The following AUTS2 variants were observed in gnomAD, a reference collection of about 807,000 sequenced individuals.
AUTS2 encodes the protein autism susceptibility gene 2 protein.
Under a neutral mutation model 112.4 loss-of-function variants are expected in AUTS2, and 17 were observed. The observed-to-expected ratio is 0.15, with a 90% CI of 0.10 to 0.23. The LOEUF is 0.23. Among genes scored for constraint, AUTS2 ranks in the 10% least tolerant of loss-of-function variants. The pLI is 1.00. For synonymous variants in AUTS2, 751 were observed against 702.7 expected, an observed-to-expected ratio of 1.07 and a Z score of -1.09; for missense variants, 1,510 against 1,701.6, an observed-to-expected ratio of 0.89 and a Z score of 1.98.
At chr7:70,678,584 T>C (rs1018055157) in intron 5 of AUTS2, among the ~76,000 whole-genome samples, 4 of 152,364 alleles carry the variant, frequency 2.6e-5, no homozygotes, top group African/African-American at 9.6e-5. Flanking sequence ...AGGTACAGTA[T>C]GTTTTCCATT....
rs994912418 is a variant in AUTS2, at chr7:70,101,556, A to G, written c.523-16576A>G. Among the ~76,000 whole-genome samples, 6 of 152,194 alleles carry G rather than the reference A, an allele frequency of 3.9e-5. No homozygotes were observed. In the East Asian group the frequency reaches 1.2e-3, roughly 29 times the overall value. On this transcript the variant is annotated intron_variant, in intron 2 of 18. Transcript: ENST00000342771. Reference sequence around the variant, plus strand: ...CTAAAAATACAAAAATTAGCCGGGCATGGTGGTGCATGCTTGTAATCCCAG... The same window carrying G: ...CTAAAAATACAAAAATTAGCCGGGCGTGGTGGTGCATGCTTGTAATCCCAG...
chr7:69,932,045 G>A (rs1796246740), intron 2 of AUTS2, among the ~76,000 whole-genome samples: 1 of 152,162 alleles, frequency 6.6e-6, no homozygotes, highest in African/African-American at 2.4e-5. Context: ...GAGTCTGGAG[G>A]TCTGGACAGT....
intron 4 of AUTS2, among the ~76,000 whole-genome samples, chr7:70,231,817 AGGCT>A (rs1434402843): frequency 4.0e-5 from 6 of 150,756 alleles, no homozygotes; most frequent in Non-Finnish European, 3.0e-5. Context: ...CTCTGTAGCC[AGGCT>A]GGAGTGCAGT....
At chr7:70,713,400 G>C (rs1810171125) in intron 6 of AUTS2, among the ~76,000 whole-genome samples, 2 of 152,196 alleles carry the variant, frequency 1.3e-5, no homozygotes, top group African/African-American at 4.8e-5. Context: ...TTGAATATTA[G>C]AGTTTTAAGG....
intron 5 of AUTS2, among the ~76,000 whole-genome samples, chr7:70,592,950 A>T (rs945961680): frequency 1.3e-5 from 2 of 151,928 alleles, no homozygotes; most frequent in African/African-American, 4.8e-5. Flanking sequence ...TCTGGGCCCA[A>T]GTGATCCTCT....
chr7:70,110,654 T>G (rs1805025857), intron 2 of AUTS2, among the ~76,000 whole-genome samples: 1 of 152,160 alleles, frequency 6.6e-6, no homozygotes, highest in Admixed American at 6.5e-5. Context: ...TTTTCTAAGC[T>G]AATAGCACAA....
At chr7:70,602,593 T>G (rs1314629168) in intron 5 of AUTS2, among the ~76,000 whole-genome samples, 4 of 152,172 alleles carry the variant, frequency 2.6e-5, no homozygotes, top group African/African-American at 4.8e-5. Context: ...TGAAGAAAAG[T>G]GTTTCAAAAG....
chr7:70,196,975 G>A (rs948712864), intron 4 of AUTS2, among the ~76,000 whole-genome samples: 1 of 152,160 alleles, frequency 6.6e-6, no homozygotes, highest in Non-Finnish European at 1.5e-5. Flanking sequence ...TAAATATGAA[G>A]AAGAAAGAGA....
chr7:69,868,211 A>G (rs777438389), intron 1 of AUTS2, among the ~76,000 whole-genome samples: 2 of 152,146 alleles, frequency 1.3e-5, no homozygotes, highest in African/African-American at 4.8e-5. Flanking sequence ...TCTGTTGGCT[A>G]TTGGAATCAG....
At chr7:70,487,679 AGT>A (rs1400537313) in intron 5 of AUTS2, among the ~76,000 whole-genome samples, 3 of 152,206 alleles carry the variant, frequency 2.0e-5, no homozygotes, top group Non-Finnish European at 2.9e-5. Flanking sequence ...GTGTTTGCAC[AGT>A]GGGCTCTACA....
intron 2 of AUTS2, among the ~76,000 whole-genome samples, chr7:70,008,689 A>G (rs1231985575): frequency 4.6e-5 from 7 of 152,212 alleles, no homozygotes; most frequent in Admixed American, 4.6e-4. Flanking sequence ...AGGAAAATTA[A>G]AGGAAGTAAA....
chr7:70,351,928 C>T (rs1246614291), intron 4 of AUTS2, among the ~76,000 whole-genome samples: 1 of 152,126 alleles, frequency 6.6e-6, no homozygotes, highest in African/African-American at 2.4e-5. Flanking sequence ...GTCTCGAACT[C>T]CTGACCTCAG....
chr7:70,038,083 G>T (rs1801088199), intron 2 of AUTS2, among the ~76,000 whole-genome samples: 2 of 151,456 alleles, frequency 1.3e-5, no homozygotes, highest in Non-Finnish European at 2.9e-5. Flanking sequence ...CTGACCAATG[G>T]CATTGACAGA....
intron 1 of AUTS2, among the ~76,000 whole-genome samples, chr7:69,738,603 G>C (rs1787135476): frequency 6.6e-6 from 1 of 152,126 alleles, no homozygotes; most frequent in South Asian, 2.1e-4. Context: ...GGCCTTGCAA[G>C]TAGCAGTTTG....
At chr7:70,228,090 G>A (rs970565364) in intron 4 of AUTS2, among the ~76,000 whole-genome samples, 2 of 149,892 alleles carry the variant, frequency 1.3e-5, no homozygotes, top group African/African-American at 4.9e-5. Context: ...TCTGTTTCGG[G>A]GTTTGTAGTT....
intron 1 of AUTS2, among the ~76,000 whole-genome samples, chr7:69,750,471 G>A (rs1235559031): frequency 1.4e-5 from 2 of 146,248 alleles, no homozygotes; most frequent in Non-Finnish European, 3.0e-5. Flanking sequence ...CAAATACTAT[G>A]TTAGTAGTAG....
At chr7:69,694,208 A>G (rs1262348433) in intron 1 of AUTS2, among the ~76,000 whole-genome samples, 1 of 152,200 alleles carries the variant, frequency 6.6e-6, no homozygotes, top group African/African-American at 2.4e-5. Flanking sequence ...AAATTTGAGT[A>G]TTCATTAAAA....
rs144807735 is a variant in AUTS2 at position 70,123,333 on chromosome 7, G to A, written c.624+5100G>A. Among the ~76,000 whole-genome samples the A allele has an allele frequency of 7.4e-4, 112 of 152,092 alleles. No individual in the cohort carries two copies. The East Asian group carries it at 0.012, about 17-fold the overall frequency. On this transcript the variant is annotated intron_variant, in intron 3 of 18. Transcript: ENST00000342771. ...TTTTTTACTTTTATTTTAGTTTTGGGGGTACATGTGAAGGTTTGTAATATA... is the reference window on the plus strand; with the variant it reads ...TTTTTTACTTTTATTTTAGTTTTGGAGGTACATGTGAAGGTTTGTAATATA...
intron 4 of AUTS2, among the ~76,000 whole-genome samples, chr7:70,235,486 G>A (rs530171796): frequency 3.3e-5 from 5 of 152,024 alleles, no homozygotes; most frequent in South Asian, 2.1e-4. Flanking sequence ...GTCACCAGCC[G>A]GGAGGGGCTT....
Sources: allele counts gnomAD v4.1 joint callset (sites outside exome capture counted in the v4.1 genomes callset), GRCh38; gene constraint gnomAD v4.1.1; transcripts MANE v1.5; gene names NCBI Gene and HGNC (gene_info 2026-07-23, HGNC 2026-07-21).